DRD2: variants seen among roughly 807,000 people sequenced by gnomAD.
DRD2 encodes the protein dopamine receptor D2, also known as D(2) dopamine receptor.
In DRD2, 8 loss-of-function variants were observed where a neutral mutation model predicts 38.0. The observed-to-expected ratio is 0.21, with a 90% CI of 0.12 to 0.38. The LOEUF (loss-of-function observed/expected upper bound fraction) is 0.38, where lower values mean the gene tolerates loss of function less well. Among genes scored for constraint, DRD2 ranks in the 10% least tolerant of loss-of-function variants. The pLI is 1.00. For synonymous variants in DRD2, 230 were observed against 238.6 expected, an observed-to-expected ratio of 0.96 and a Z score of 0.33; for missense variants, 403 against 607.7, an observed-to-expected ratio of 0.66 and a Z score of 3.54.
intron 1 of DRD2, among the ~76,000 whole-genome samples, chr11:113,450,688 T>G (rs1951202760): frequency 6.6e-6 from 1 of 152,234 alleles, no homozygotes; most frequent in Non-Finnish European, 1.5e-5. Flanking sequence ...GAAGTCTAAC[T>G]TTCTTCACCA....
chr11:113,468,714 T>C (rs1262991614), intron 1 of DRD2, among the ~76,000 whole-genome samples: 1 of 152,028 alleles, frequency 6.6e-6, no homozygotes, highest in African/African-American at 2.4e-5. Flanking sequence ...GATCCTAATT[T>C]TTTTGTGTGT....
At chr11:113,440,497 G>C (rs1207608439) in intron 1 of DRD2, among the ~76,000 whole-genome samples, 1 of 152,230 alleles carries the variant, frequency 6.6e-6, no homozygotes, top group Non-Finnish European at 1.5e-5. Flanking sequence ...CCAGGAGCCT[G>C]GGAAAAAGGC....
At chr11:113,448,104 GTCA>G (rs1485664727) in intron 1 of DRD2, among the ~76,000 whole-genome samples, 1 of 152,214 alleles carries the variant, frequency 6.6e-6, no homozygotes, top group African/African-American at 2.4e-5. Flanking sequence ...AGGCTAGGAA[GTCA>G]TCATCACTCT....
chr11:113,412,215 T>TAG, intron 7 of DRD2: 1 of 397,494 alleles, frequency 2.5e-6, no homozygotes, highest in South Asian at 2.5e-5. Flanking sequence ...ATGAGGAGCC[T>TAG]AGAGAGAGAA....
chr11:113,413,008 A>G, intron 6 of DRD2, 125 bp from the exon 7 acceptor site: 1 of 1,095,400 alleles, frequency 9.1e-7, no homozygotes, highest in South Asian at 1.5e-5. Context: ...TCACCCTGCC[A>G]GGGAGGCAAG....
At chr11:113,442,264 A>G (rs1350421229) in intron 1 of DRD2, among the ~76,000 whole-genome samples, 1 of 152,118 alleles carries the variant, frequency 6.6e-6, no homozygotes, top group Non-Finnish European at 1.5e-5. Context: ...AGCCATCCTT[A>G]CAGCCCTGCA....
rs181338271 is a variant in DRD2, at chr11:113,462,527, C to T, written c.-32+12549G>A. On this transcript the variant is annotated intron_variant, in intron 1 of 7. Transcript: ENST00000362072. ...AGATTGGGGTGATGCTGCCACATGC[C>T]AAGGAGCGCCAGGAGCCATGGGGAG... Among the ~76,000 whole-genome samples, 271 of 152,260 alleles carry T rather than the reference C, an allele frequency of 1.8e-3. 1 individual carries two copies. Among genetic ancestry groups the T allele is most frequent in the Non-Finnish European group, 2.6e-3 (177 of 68,020 alleles).
At position 113,424,381 on chromosome 11, in the gene DRD2, C is replaced by T. The variant is rs773154659; in HGVS notation, c.271G>A (p.Val91Ile). 1 of 1,614,142 alleles carries T rather than the reference C, an allele frequency of 6.2e-7. No individual in the cohort carries two copies. The highest frequency in any genetic ancestry group is 8.5e-7 in the Non-Finnish European group (1 of 1,180,026). Residue 91 changes from valine to isoleucine, a missense_variant, in exon 2 of 8, where the codon GTT becomes ATT. Transcript: ENST00000362072. ...LLVATLVMPW[V>I]VYLEVVGEWK... The stretch of plus-strand genomic sequence containing the variant: ...GGCCCACCTACCTCCAGGTAGACAA[C>T]CCAGGGCATGACCAGTGTGGCGACG...
intron 1 of DRD2, chr11:113,474,563 C>A (rs560805702): frequency 2.6e-5 from 4 of 152,336 alleles, no homozygotes; most frequent in Admixed American, 2.0e-4. Flanking sequence ...GCCTCTCCCC[C>A]ATCCTTAGCT....
chr11:113,449,493 C>T (rs377688397), intron 1 of DRD2, among the ~76,000 whole-genome samples: 3 of 152,162 alleles, frequency 2.0e-5, no homozygotes, highest in Admixed American at 6.5e-5. Flanking sequence ...GAACTGTAGG[C>T]GTCCTTCCAA....
chr11:113,450,677 A>G (rs1244348646), intron 1 of DRD2, among the ~76,000 whole-genome samples: 2 of 152,242 alleles, frequency 1.3e-5, no homozygotes, highest in Non-Finnish European at 2.9e-5. Flanking sequence ...TCAAGTGATC[A>G]GAAGTCTAAC....
chr11:113,443,283 T>G (rs1951110536), intron 1 of DRD2, among the ~76,000 whole-genome samples: 1 of 152,184 alleles, frequency 6.6e-6, no homozygotes, highest in South Asian at 2.1e-4. Flanking sequence ...CTCTTCAATT[T>G]CATAGTACAC....
Position 113,416,984 on chromosome 11 carries a change from G to T in DRD2, c.411C>A (p.Ala137=). Residue 137 remains alanine (A), a synonymous_variant, in exon 4 of 8, where the codon GCC becomes GCA. Transcript: ENST00000362072. ...AGCGCGTATTGTACAGCATGGGCAT[G>T]GCCACAGCTGTGTACCTGCAAGGGC... ...AISIDRYTAV[A]MPMLYNTRYS... The T allele has an allele frequency of 3.7e-6, 6 of 1,614,054 alleles. No homozygotes were observed. The highest frequency in any genetic ancestry group is 5.1e-6 in the Non-Finnish European group (6 of 1,179,978).
At chr11:113,442,156 GC>G (rs1951101083) in intron 1 of DRD2, among the ~76,000 whole-genome samples, 1 of 152,116 alleles carries the variant, frequency 6.6e-6, no homozygotes, top group Non-Finnish European at 1.5e-5. Flanking sequence ...CTTGGAAGTG[GC>G]CAGACCCCAA....
At chr11:113,414,337 G>A (rs1309198824) in intron 6 of DRD2, 38 bp downstream of exon 6, 2 of 1,598,800 alleles carry the variant, frequency 1.3e-6, no homozygotes, top group South Asian at 2.2e-5. Context: ...CCTAGGGGCA[G>A]AAAGACCTGG....
intron 1 of DRD2, among the ~76,000 whole-genome samples, chr11:113,448,822 G>A (rs1951181676): frequency 6.6e-6 from 1 of 152,178 alleles, no homozygotes; most frequent in Admixed American, 6.5e-5. Context: ...CTGCGAAGAG[G>A]AGACCAGGCC....
intron 1 of DRD2, among the ~76,000 whole-genome samples, chr11:113,436,780 C>T (rs1951043074): frequency 6.6e-6 from 1 of 152,156 alleles, no homozygotes; most frequent in South Asian, 2.1e-4. Flanking sequence ...TGCTCCTTAA[C>T]CCTCACCCCA....
chr11:113,456,198 A>G (rs953549684), intron 1 of DRD2, among the ~76,000 whole-genome samples: 5 of 152,252 alleles, frequency 3.3e-5, no homozygotes, highest in African/African-American at 1.2e-4. Flanking sequence ...GCACAGAAAG[A>G]CATTGTATGA....
chr11:113,420,768 A>G (rs1370879826), intron 2 of DRD2, among the ~76,000 whole-genome samples: 1 of 152,212 alleles, frequency 6.6e-6, no homozygotes, highest in Admixed American at 6.5e-5. Context: ...TGATTATTTC[A>G]AGGGTGGACA....
Sources: allele counts gnomAD v4.1 joint callset (sites outside exome capture counted in the v4.1 genomes callset), GRCh38; gene constraint gnomAD v4.1.1; transcripts MANE v1.5; gene names NCBI Gene and HGNC (gene_info 2026-07-23, HGNC 2026-07-21).